The following SLC6A2 variants were observed in gnomAD, a reference collection of about 807,000 sequenced individuals.
SLC6A2 encodes the protein sodium-dependent noradrenaline transporter.
In SLC6A2, 26 loss-of-function variants were observed where a neutral mutation model predicts 71.7. The observed-to-expected ratio is 0.36, with a 90% confidence interval of 0.27 to 0.50. SLC6A2 has a LOEUF of 0.50. Among genes scored for constraint, SLC6A2 ranks in the 20% least tolerant of loss-of-function variants. The probability of loss-of-function intolerance (pLI) is 0.96; values close to 1 mark genes in which losing one functional copy is unlikely to be tolerated. For synonymous variants in SLC6A2, 363 were observed against 337.9 expected, an observed-to-expected ratio of 1.07 and a Z score of -0.82; for missense variants, 581 against 803.9, an observed-to-expected ratio of 0.72 and a Z score of 3.35.
At chr16:55,694,301 T>A in intron 7 of SLC6A2, among the ~76,000 whole-genome samples, 188 bp downstream of exon 7, 1 of 152,146 alleles carries the variant, frequency 6.6e-6, no homozygotes, top group East Asian at 1.9e-4. Flanking sequence ...ACATTTCATT[T>A]CAGGATGCCT....
chr16:55,688,852 A>G lies in SLC6A2; in HGVS notation c.784-3066A>G, dbSNP rs1310149855. 6.6e-5 allele frequency among the ~76,000 whole-genome samples: 10 copies of G among 152,294 alleles called. No individual in the cohort carries two copies. In the South Asian group the frequency reaches 1.2e-3, roughly 19 times the overall value. ...TCTTTCCCTTGAGAGAGCTCTATCA[A>G]TTTGAAAATTCCTTCTTTTATGGAG... On this transcript the variant is annotated intron_variant, in intron 5 of 14. Coordinates refer to ENST00000568943, the MANE Select transcript of SLC6A2 (RefSeq NM_001172501.3).
chr16:55,656,912 C>A lies in SLC6A2; in HGVS notation c.218C>A (p.Ala73Glu). The change falls in exon 2 of 15, where the codon GCA (alanine) becomes GAA (glutamate). Residue 73 changes from alanine to glutamate, a missense_variant. This residue lies in a region of SLC6A2 where 81 missense variants were observed against 152.4 expected (regional missense o/e 0.53). Transcript: ENST00000568943. This position sits in a 1 kb window ranked among gnomAD's most constrained non-coding sequence, Gnocchi z 4.5. Reference sequence around the variant, plus strand: ...TTCCTGCTGTCCGTAGTCGGCTTCGCAGTGGACCTGGCCAACGTGTGGCGC... The same window carrying A: ...TTCCTGCTGTCCGTAGTCGGCTTCGAAGTGGACCTGGCCAACGTGTGGCGC... Reference protein sequence around the residue: ...IDFLLSVVGFAVDLANVWRFP... With the variant: ...IDFLLSVVGFEVDLANVWRFP... 2 of 1,614,012 alleles carry A rather than the reference C, an allele frequency of 1.2e-6. No individual in the cohort carries two copies. Among genetic ancestry groups the A allele is most frequent in the Non-Finnish European group, 1.7e-6 (2 of 1,179,938 alleles).
chr16:55,692,758 A>G (rs1003192), intron 6 of SLC6A2, among the ~76,000 whole-genome samples: 5,575 of 152,308 alleles, frequency 0.037, 198 homozygotes, highest in East Asian at 0.2. Flanking sequence ...ATTTGAACCC[A>G]TAATAATCCT....
chr16:55,663,423 G>A (rs1452003386), intron 2 of SLC6A2, among the ~76,000 whole-genome samples: 6 of 152,102 alleles, frequency 3.9e-5, no homozygotes, highest in Admixed American at 3.3e-4. Flanking sequence ...TGCCATGAGT[G>A]GAAGCAGCCA....
chr16:55,667,794 C>G (rs1964795429), intron 2 of SLC6A2, among the ~76,000 whole-genome samples: 1 of 152,140 alleles, frequency 6.6e-6, no homozygotes, highest in Non-Finnish European at 1.5e-5. Flanking sequence ...TATTCAGACT[C>G]ATGTCCTTCA....
chr16:55,675,428 C>T (rs1489820215), intron 4 of SLC6A2, among the ~76,000 whole-genome samples: 1 of 152,222 alleles, frequency 6.6e-6, no homozygotes, highest in Non-Finnish European at 1.5e-5. Context: ...TTGCAGGCCA[C>T]ATATGTTCCT....
chr16:55,691,051 C>G (rs1444937727), intron 5 of SLC6A2, among the ~76,000 whole-genome samples: 1 of 151,988 alleles, frequency 6.6e-6, no homozygotes, highest in Admixed American at 6.6e-5. Context: ...TTCTGCCCAG[C>G]CACATCCCTT....
intron 8 of SLC6A2, 71 bp downstream of exon 8, chr16:55,695,473 G>T (rs775774072): frequency 1.2e-5 from 19 of 1,544,272 alleles, no homozygotes; most frequent in Non-Finnish European, 1.7e-5. Flanking sequence ...ATTCTTGGCT[G>T]CATGGCTCTT....
Position 55,703,260 on chromosome 16 carries a change from T to TG in SLC6A2, c.*914_*915insG. 1.0e-6 allele frequency: 1 copy of TG among 985,518 alleles called. No homozygotes were observed. Among genetic ancestry groups the TG allele is most frequent in the Non-Finnish European group, 1.2e-6 (1 of 830,000 alleles). The allele number at this position is 985,518 out of a possible 1,614,324, so 61.0% of individuals were successfully genotyped here. ...GGGACCAAGTGAGGCCTCATGTGTGTCTTCACCGTGCTGTCCTCACAAGGC... is the reference window on the plus strand; with the variant it reads ...GGGACCAAGTGAGGCCTCATGTGTGTGCTTCACCGTGCTGTCCTCACAAGGC... On this transcript the variant is annotated 3_prime_UTR_variant, in exon 15 of 15. Transcript: ENST00000568943.
At chr16:55,667,167 G>T (rs1182021339) in intron 2 of SLC6A2, among the ~76,000 whole-genome samples, 6 of 152,076 alleles carry the variant, frequency 3.9e-5, no homozygotes, top group African/African-American at 7.2e-5. Flanking sequence ...TAAATGCTGG[G>T]ACTACAGGCA....
chr16:55,700,324 C>T lies in SLC6A2; in HGVS notation c.1758+18C>T, dbSNP rs749690337. 6.2e-7 allele frequency: 1 copy of T among 1,607,848 alleles called. No homozygotes were observed. Among genetic ancestry groups the T allele is most frequent in the South Asian group, 1.1e-5 (1 of 90,656 alleles). ...TTTGGGAGGTGAGCTCTGGTCCTCCCCAGGGGAACAGGGTGGGAGGGGGCT... is the reference window on the plus strand; with the variant it reads ...TTTGGGAGGTGAGCTCTGGTCCTCCTCAGGGGAACAGGGTGGGAGGGGGCT... On this transcript the variant is annotated intron_variant, in intron 13 of 14. Coordinates refer to ENST00000568943, the MANE Select transcript of SLC6A2 (RefSeq NM_001172501.3).
intron 2 of SLC6A2, among the ~76,000 whole-genome samples, chr16:55,657,997 G>T (rs1299972068): frequency 6.6e-6 from 1 of 152,108 alleles, no homozygotes; most frequent in African/African-American, 2.4e-5. Flanking sequence ...AATTGGAGAA[G>T]GGGGACCCAG....
At chr16:55,673,316 A>T (rs1194424034) in intron 4 of SLC6A2, among the ~76,000 whole-genome samples, 2 of 152,158 alleles carry the variant, frequency 1.3e-5, no homozygotes, top group Non-Finnish European at 2.9e-5. Context: ...GTTACTTGTG[A>T]TGTTAACCTT....
At position 55,691,905 on chromosome 16, in the gene SLC6A2, A is replaced by T; in HGVS notation, c.784-13A>T. ...CAGAGCGAGGCTCTCACCTGAACTTATCCATTGCCCAGGTGGTGTGGATCA... is the reference window on the plus strand; with the variant it reads ...CAGAGCGAGGCTCTCACCTGAACTTTTCCATTGCCCAGGTGGTGTGGATCA... On this transcript the variant is annotated splice_polypyrimidine_tract_variant and intron_variant, in intron 5 of 14. Transcript: ENST00000568943. The T allele has an allele frequency of 6.2e-7, 1 of 1,614,114 alleles. No homozygotes were observed. Among genetic ancestry groups the T allele is most frequent in the Non-Finnish European group, 8.5e-7 (1 of 1,179,998 alleles).
rs1964801615 is a variant in SLC6A2 at position 55,668,008 on chromosome 16, T to C, written c.275-1557T>C. ...GCTATGTCAGAGGGTTTCTGGGTAG[T>C]GTAAGTGGGATCAAGCCCAGGTCCT... On this transcript the variant is annotated intron_variant, in intron 2 of 14. Transcript: ENST00000568943. Among the ~76,000 whole-genome samples, 3 of 152,224 alleles carry C rather than the reference T, an allele frequency of 2.0e-5. No homozygotes were observed. In the South Asian group the frequency reaches 6.2e-4, roughly 32 times the overall value.
intron 2 of SLC6A2, among the ~76,000 whole-genome samples, chr16:55,663,331 G>A (rs1485401314): frequency 9.9e-5 from 15 of 152,112 alleles, no homozygotes; most frequent in African/African-American, 3.6e-4. Context: ...GTCCTTTGGA[G>A]AGGGTAAGTG....
At chr16:55,663,994 T>C (rs527264291) in intron 2 of SLC6A2, among the ~76,000 whole-genome samples, 2 of 152,216 alleles carry the variant, frequency 1.3e-5, no homozygotes, top group South Asian at 2.1e-4. Context: ...GCTTTCCCAC[T>C]CAGCTTATTA....
chr16:55,674,266 T>A (rs1157610864), intron 4 of SLC6A2, among the ~76,000 whole-genome samples: 4 of 152,106 alleles, frequency 2.6e-5, no homozygotes, highest in Non-Finnish European at 5.9e-5. Context: ...TAGCTTCCAC[T>A]TATAAGTAAG....
Position 55,703,232 on chromosome 16 carries a change from G to A in SLC6A2, c.*886G>A. ...CTGAGACCTGCCTGGGGAAACGGGG[G>A]CAGGGACCAAGTGAGGCCTCATGTG... On this transcript the variant is annotated 3_prime_UTR_variant, in exon 15 of 15. Coordinates refer to ENST00000568943, the MANE Select transcript of SLC6A2 (RefSeq NM_001172501.3). 1 of 985,374 alleles carries A rather than the reference G, an allele frequency of 1.0e-6. No homozygotes were observed. The highest frequency in any genetic ancestry group is 4.7e-5 in the South Asian group (1 of 21,288). The allele number at this position is 985,374 out of a possible 1,614,324, so 61.0% of individuals were successfully genotyped here. A position where few individuals can be genotyped will look rare whatever the true frequency, so the allele number is the denominator to read the frequency against.
Sources: allele counts gnomAD v4.1 joint callset (sites outside exome capture counted in the v4.1 genomes callset), GRCh38; gene constraint gnomAD v4.1.1; regional missense constraint gnomAD v4.1.1; non-coding constraint Gnocchi (gnomAD v3.1); transcripts MANE v1.5; gene names NCBI Gene and HGNC (gene_info 2026-07-23, HGNC 2026-07-21).